TAFA4: variants seen among roughly 807,000 people sequenced by gnomAD.
TAFA4 encodes chemokine-like protein TAFA-4.
TAFA4 carries 20 observed loss-of-function variants against 21.1 expected under a neutral mutation model. The ratio of observed to expected loss-of-function variants is 0.95; its 90% CI spans 0.67 to 1.38. The LOEUF (loss-of-function observed/expected upper bound fraction) is 1.38, where lower values mean the gene tolerates loss of function less well. Among genes scored for constraint, TAFA4 ranks in the 40% most tolerant of loss-of-function variants. The pLI, the probability that TAFA4 is intolerant of heterozygous loss-of-function variation, is 0.00. For synonymous variants in TAFA4, 71 were observed against 67.4 expected (o/e 1.05, Z -0.26); for missense variants, 211 against 180.9 (o/e 1.17, Z -0.95).
At chr3:68,743,930 GTCT>G (rs1702404737) in intron 4 of TAFA4, among the ~76,000 whole-genome samples, 1 of 152,142 alleles carries the variant, frequency 6.6e-6, no homozygotes, top group Non-Finnish European at 1.5e-5. Context: ...ACTCATTCTT[GTCT>G]GAATACCACA....
chr3:68,779,203 A>T (rs1045151594), intron 3 of TAFA4, among the ~76,000 whole-genome samples: 2 of 152,312 alleles, frequency 1.3e-5, no homozygotes, highest in African/African-American at 4.8e-5. Flanking sequence ...TCTAAGAAGC[A>T]AAGCATTAAG....
intron 3 of TAFA4, among the ~76,000 whole-genome samples, chr3:68,843,634 C>G (rs1175055791): frequency 6.6e-6 from 1 of 152,182 alleles, no homozygotes; most frequent in Non-Finnish European, 1.5e-5. Flanking sequence ...TGCCATTCAG[C>G]ATGATATTGG....
chr3:68,913,287 T>C (rs2089976182), intron 1 of TAFA4, among the ~76,000 whole-genome samples: 1 of 152,126 alleles, frequency 6.6e-6, no homozygotes, highest in Non-Finnish European at 1.5e-5. Flanking sequence ...AGCTAACATT[T>C]TTTTGCCCAG....
chr3:68,793,747 G>A (rs368365637), intron 3 of TAFA4, among the ~76,000 whole-genome samples: 2 of 152,304 alleles, frequency 1.3e-5, no homozygotes, highest in East Asian at 1.9e-4. Context: ...CTTCATGCAT[G>A]CAAGTTTAAT....
chr3:68,930,071 G>A (rs1464341070), intron 1 of TAFA4, among the ~76,000 whole-genome samples: 3 of 152,178 alleles, frequency 2.0e-5, no homozygotes, highest in Non-Finnish European at 2.9e-5. Flanking sequence ...AAAAAAAGCA[G>A]CTATTAGGAA....
intron 3 of TAFA4, among the ~76,000 whole-genome samples, chr3:68,809,764 T>A (rs1703792263): frequency 6.6e-6 from 1 of 152,190 alleles, no homozygotes; most frequent in African/African-American, 2.4e-5. Flanking sequence ...ATTTCATCCT[T>A]CTGCATGTGG....
At chr3:68,810,009 T>C (rs1703797398) in intron 3 of TAFA4, among the ~76,000 whole-genome samples, 1 of 152,228 alleles carries the variant, frequency 6.6e-6, no homozygotes, top group Admixed American at 6.5e-5. Flanking sequence ...CTAATCATGA[T>C]GCCTCTGGCT....
chr3:68,742,868 A>G (rs928392982), intron 4 of TAFA4, among the ~76,000 whole-genome samples: 1 of 152,230 alleles, frequency 6.6e-6, no homozygotes, highest in Non-Finnish European at 1.5e-5. Context: ...CTAGAGCCCA[A>G]GTGCTAACGC....
At chr3:68,834,700 C>T (rs1704481357) in intron 3 of TAFA4, among the ~76,000 whole-genome samples, 1 of 152,122 alleles carries the variant, frequency 6.6e-6, no homozygotes, top group Non-Finnish European at 1.5e-5. Flanking sequence ...GTTGCTCAAG[C>T]CAAAAAGACG....
At chr3:68,861,048 C>T (rs549431917) in intron 3 of TAFA4, among the ~76,000 whole-genome samples, 20 of 139,894 alleles carry the variant, frequency 1.4e-4, no homozygotes, top group African/African-American at 4.7e-4. Flanking sequence ...CCCGCCCCCA[C>T]GACTCAGCAA....
chr3:68,807,316 G>A (rs1703722186), intron 3 of TAFA4, among the ~76,000 whole-genome samples: 1 of 152,220 alleles, frequency 6.6e-6, no homozygotes. Flanking sequence ...GTTCATGTCT[G>A]TCTATCTCTA....
chr3:68,854,546 C>T (rs939681488), intron 3 of TAFA4, among the ~76,000 whole-genome samples: 6 of 152,064 alleles, frequency 3.9e-5, no homozygotes, highest in Admixed American at 1.3e-4. Flanking sequence ...AGCACCAAGT[C>T]TTAGGAGTCT....
At chr3:68,761,046 G>A (rs1407955572) in intron 3 of TAFA4, among the ~76,000 whole-genome samples, 1 of 152,134 alleles carries the variant, frequency 6.6e-6, no homozygotes, top group Non-Finnish European at 1.5e-5. Flanking sequence ...GTTACCTGCT[G>A]GTAACAAAAG....
intron 3 of TAFA4, among the ~76,000 whole-genome samples, chr3:68,868,830 C>G (rs976563507): frequency 6.6e-6 from 1 of 151,714 alleles, no homozygotes; most frequent in Non-Finnish European, 1.5e-5. Flanking sequence ...TCTCAGTAAA[C>G]TAGAAGACAA....
chr3:68,789,022 A>G (rs1381755720), intron 3 of TAFA4, among the ~76,000 whole-genome samples: 2 of 152,092 alleles, frequency 1.3e-5, no homozygotes, highest in Non-Finnish European at 2.9e-5. Flanking sequence ...TCACGAGGTC[A>G]GGAGACCAAG....
chr3:68,918,447 C>A (rs138868793), intron 1 of TAFA4, among the ~76,000 whole-genome samples: 60 of 152,302 alleles, frequency 3.9e-4, no homozygotes, highest in African/African-American at 1.3e-3. Context: ...CTAAAAATGT[C>A]TTTCAAGAAA....
At chr3:68,788,780 TTTTTA>T (rs139045193) in intron 3 of TAFA4, among the ~76,000 whole-genome samples, 12,845 of 151,898 alleles carry the variant, frequency 0.085, 654 homozygotes, top group African/African-American at 0.14. Flanking sequence ...CCTGGCTAAA[TTTTTA>T]TTTTATTTTA....
chr3:68,765,145 A>G (rs760052367), intron 3 of TAFA4, among the ~76,000 whole-genome samples: 9 of 152,198 alleles, frequency 5.9e-5, no homozygotes, highest in Non-Finnish European at 1.3e-4. Context: ...TTTAGTCCTT[A>G]TAAGTCCTTT....
At chr3:68,931,122 T>C (rs1481541343) in intron 1 of TAFA4, among the ~76,000 whole-genome samples, 1 of 152,156 alleles carries the variant, frequency 6.6e-6, no homozygotes, top group Non-Finnish European at 1.5e-5. Context: ...CCAAGGATAT[T>C]AGAGACAGAA....
Sources: allele counts gnomAD v4.1 joint callset (sites outside exome capture counted in the v4.1 genomes callset), GRCh38; gene constraint gnomAD v4.1.1; transcripts MANE v1.5; gene names NCBI Gene and HGNC (gene_info 2026-07-23, HGNC 2026-07-21).